Variants in CUX2 observed in about 807,000 individuals in gnomAD.
The protein encoded by CUX2 is homeobox protein cut-like 2.
In CUX2, 40 loss-of-function variants were observed where a neutral mutation model predicts 144.8. The ratio of observed to expected loss-of-function variants is 0.28; its 90% confidence interval spans 0.21 to 0.36. The LOEUF is 0.36. CUX2 is among the 10% of genes least tolerant of loss of function. The pLI, the probability that CUX2 is intolerant of heterozygous loss-of-function variation, is 1.00. For missense variants in CUX2, 1,615 were observed against 1,994.0 expected (o/e 0.81, Z 3.62); for synonymous variants, 827 against 875.6 (o/e 0.94, Z 0.98).
intron 10 of CUX2, among the ~76,000 whole-genome samples, chr12:111,306,009 G>T (rs1255688826): frequency 1.3e-5 from 2 of 152,124 alleles, no homozygotes; most frequent in African/African-American, 4.8e-5. Flanking sequence ...CATGTTCCTG[G>T]GTGACGGCAT....
At position 111,287,797 on chromosome 12, in the gene CUX2, A is replaced by C. The variant is rs994290737; in HGVS notation, c.302-3621A>C. Among the ~76,000 whole-genome samples, 8 of 152,232 alleles carry C rather than the reference A, an allele frequency of 5.3e-5. No homozygotes were observed. The highest frequency in any genetic ancestry group is 8.8e-5 in the Non-Finnish European group (6 of 68,040). ...TAAACAAACAGGCCACAGCAGAGTA[A>C]AACAGGGAAGCCGCCTTGTTCCAGC... On this transcript the variant is annotated intron_variant, in intron 4 of 21. Coordinates refer to ENST00000261726, the MANE Select transcript of CUX2 (RefSeq NM_015267.4). The surrounding 1 kb of genome is among the most constrained non-coding windows in gnomAD (Gnocchi z 4.2).
Position 111,054,153 on chromosome 12 carries a change from CAAAACA to C in CUX2, c.63+19936_63+19941del, listed in dbSNP as rs546941954. Among the ~76,000 whole-genome samples the C allele has an allele frequency of 7.0e-3, 1,063 of 152,242 alleles. 14 individuals carry two copies. The highest frequency in any genetic ancestry group is 0.021 in the African/African-American group (877 of 41,550). On this transcript the variant is annotated intron_variant, in intron 1 of 21. Transcript: ENST00000261726. ...TGGGTGACAGAACAAGACTCCATCTCAAAACAAAAACAAAAACAAAAACAAAAAACA... is the reference window on the plus strand; with the variant it reads ...TGGGTGACAGAACAAGACTCCATCTCAAAACAAAAACAAAAACAAAAAACA...
intron 1 of CUX2, among the ~76,000 whole-genome samples, chr12:111,040,636 C>T (rs1341163514): frequency 1.3e-5 from 2 of 152,198 alleles, no homozygotes; most frequent in African/African-American, 2.4e-5. Flanking sequence ...TGCAGATGTG[C>T]TCCCATATTG....
At chr12:111,142,334 T>G (rs1225472903) in intron 1 of CUX2, among the ~76,000 whole-genome samples, 1 of 152,150 alleles carries the variant, frequency 6.6e-6, no homozygotes, top group African/African-American at 2.4e-5. Context: ...TACAGTGGCA[T>G]AAAAGATCGT....
rs1276509030 is a variant in CUX2, at chr12:111,287,393, C to T, written c.302-4025C>T. Among the ~76,000 whole-genome samples the T allele has an allele frequency of 4.6e-5, 7 of 152,244 alleles. No individual in the cohort carries two copies. Among genetic ancestry groups the T allele is most frequent in the South Asian group, 2.1e-4 (1 of 4,838 alleles). On this transcript the variant is annotated intron_variant, in intron 4 of 21. Coordinates refer to ENST00000261726, the MANE Select transcript of CUX2 (RefSeq NM_015267.4). This position sits in a 1 kb window ranked among gnomAD's most constrained non-coding sequence, Gnocchi z 4.2. ...TGTGTTTGTCTAACTTCCCTGACCC[C>T]GGCGAGTGCTCGTTGCCTTTTTTCC...
chr12:111,314,639 TAAAAA>T (rs954472479), intron 16 of CUX2, among the ~76,000 whole-genome samples: 2 of 23,234 alleles, frequency 8.6e-5, no homozygotes, highest in African/African-American at 3.2e-4. Context: ...AAACTCAGTC[TAAAAA>T]AAAAAAAAAA....
chr12:111,288,774 C>A (rs1381090683), intron 4 of CUX2, among the ~76,000 whole-genome samples: 1 of 152,108 alleles, frequency 6.6e-6, no homozygotes, highest in African/African-American at 2.4e-5. Context: ...ACCAGCTTGG[C>A]CAACATGGTG....
intron 1 of CUX2, among the ~76,000 whole-genome samples, chr12:111,096,244 T>C (rs553955962): frequency 6.6e-6 from 1 of 152,252 alleles, no homozygotes; most frequent in Non-Finnish European, 1.5e-5. Context: ...AGCCCTCCGG[T>C]GGGGGTGAGG....
At chr12:111,216,110 G>A (rs1187352253) in intron 2 of CUX2, among the ~76,000 whole-genome samples, 1 of 152,222 alleles carries the variant, frequency 6.6e-6, no homozygotes, top group Non-Finnish European at 1.5e-5. Flanking sequence ...TGAAGCAGAT[G>A]AGGCGGCATG....
intron 1 of CUX2, among the ~76,000 whole-genome samples, chr12:111,042,376 G>A (rs528236166): frequency 2.0e-5 from 3 of 152,326 alleles, no homozygotes; most frequent in African/African-American, 7.2e-5. Flanking sequence ...GTGAGTGTCT[G>A]TCATCTGCTA....
In CUX2 at chr12:111,137,364, T is replaced by TTGTTGTTGTTGTTG. The variant is rs146487590; in HGVS notation, c.64-76835_64-76834insGTTGTTGTTGTTGT. 8.8e-3 allele frequency among the ~76,000 whole-genome samples: 1,307 copies of TTGTTGTTGTTGTTG among 148,554 alleles called. 21 individuals carry two copies. The highest frequency in any genetic ancestry group is 0.033 in the African/African-American group (1,245 of 38,030). ...TCTTCTGCTGATGTTGTTGTTGTTG[T>TTGTTGTTGTTGTTG]TTGTTGATGTTGTCGTTGTTGTTGA... is the stretch of plus-strand genomic sequence containing the variant. On this transcript the variant is annotated intron_variant, in intron 1 of 21. Transcript: ENST00000261726.
chr12:111,099,606 C>T (rs1873076890), intron 1 of CUX2: 4 of 456,718 alleles, frequency 8.8e-6, no homozygotes, highest in Non-Finnish European at 1.8e-5. Context: ...CATGGGAGAA[C>T]AGGATTGGAC....
rs1237837695 is a variant in CUX2 at position 111,322,641 on chromosome 12, T to C, written c.2926+61T>C. On this transcript the variant is annotated intron_variant, in intron 18 of 21. Coordinates refer to ENST00000261726, the MANE Select transcript of CUX2 (RefSeq NM_015267.4). The surrounding 1 kb of genome is among the most constrained non-coding windows in gnomAD (Gnocchi z 4.2). ...CAAACTTCCCACCTGCGCAGTGGCA[T>C]GTCCGCCTGGCTTTACTGCCCGAGT... 6.4e-7 allele frequency: 1 copy of C among 1,568,584 alleles called. No homozygotes were observed. The highest frequency in any genetic ancestry group is 8.6e-7 in the Non-Finnish European group (1 of 1,164,434).
chr12:111,310,390 G>A lies in CUX2; in HGVS notation c.1608G>A (p.Ala536=), dbSNP rs369149848. Residue 536 remains alanine (A), a synonymous_variant, in exon 15 of 22, where the codon GCG becomes GCA. Coordinates refer to ENST00000261726, the MANE Select transcript of CUX2 (RefSeq NM_015267.4). The surrounding 1 kb of genome is among the most constrained non-coding windows in gnomAD (Gnocchi z 7.9). ...GPEPLGGPEP[A]DGGGGGAAGP... ...AGCCACTGGGCGGTCCTGAGCCCGC[G>A]GATGGTGGTGGGGGCGGAGCGGCGG... is the stretch of plus-strand genomic sequence containing the variant. The A allele has an allele frequency of 6.5e-5, 104 of 1,606,156 alleles. No homozygotes were observed. The highest frequency in any genetic ancestry group is 3.2e-4 in the African/African-American group (24 of 74,932).
intron 1 of CUX2, among the ~76,000 whole-genome samples, chr12:111,191,873 C>T (rs1879912413): frequency 6.6e-6 from 1 of 152,212 alleles, no homozygotes; most frequent in African/African-American, 2.4e-5. Context: ...GGTACTGGTG[C>T]TCTGAGCTTG....
Position 111,196,782 on chromosome 12 carries a change from G to T in CUX2, c.64-17418G>T, listed in dbSNP as rs748992875. 1.5e-3 allele frequency among the ~76,000 whole-genome samples: 230 copies of T among 152,266 alleles called. 3 individuals carry two copies. Among genetic ancestry groups the T allele is most frequent in the Non-Finnish European group, 8.2e-4 (56 of 68,030 alleles). On this transcript the variant is annotated intron_variant, in intron 1 of 21. Coordinates refer to ENST00000261726, the MANE Select transcript of CUX2 (RefSeq NM_015267.4). ...GCATTTCATTTAAATTAACGTAGAA[G>T]TACTAAATTTAAATAACTACAGGAG... is the stretch of plus-strand genomic sequence containing the variant.
intron 1 of CUX2, among the ~76,000 whole-genome samples, chr12:111,060,390 T>C (rs1448424117): frequency 6.6e-6 from 1 of 152,224 alleles, no homozygotes; most frequent in Non-Finnish European, 1.5e-5. Context: ...GACACACTTC[T>C]CTCATCTTTC....
In CUX2 at chr12:111,199,007, G is replaced by A. The variant is rs776651132; in HGVS notation, c.64-15193G>A. Among the ~76,000 whole-genome samples the A allele has an allele frequency of 7.2e-5, 11 of 152,190 alleles. No individual in the cohort carries two copies. The East Asian group carries it at 9.6e-4, about 13-fold the overall frequency. ...CAAGGAAAGAGAAGAGATGATTCAC[G>A]TTTTGAGCGACTCACTCCATCCACC... On this transcript the variant is annotated intron_variant, in intron 1 of 21. Transcript: ENST00000261726.
At chr12:111,280,631 C>T (rs1885080915) in intron 4 of CUX2, among the ~76,000 whole-genome samples, 1 of 152,178 alleles carries the variant, frequency 6.6e-6, no homozygotes, top group Non-Finnish European at 1.5e-5. Flanking sequence ...CTTCTGGAGA[C>T]TCTGCAGGGG....
Sources: allele counts gnomAD v4.1 joint callset (sites outside exome capture counted in the v4.1 genomes callset), GRCh38; gene constraint gnomAD v4.1.1; non-coding constraint Gnocchi (gnomAD v3.1); transcripts MANE v1.5; gene names NCBI Gene and HGNC (gene_info 2026-07-23, HGNC 2026-07-21).